Variants in HCN1 observed in about 807,000 individuals in gnomAD.
HCN1 encodes hyperpolarization activated cyclic nucleotide gated potassium channel 1.
In HCN1, 13 loss-of-function variants were observed where a neutral mutation model predicts 78.9. The observed-to-expected ratio is 0.16, with a 90% CI of 0.11 to 0.26. HCN1 has a LOEUF of 0.26. Among genes scored for constraint, HCN1 ranks in the 10% least tolerant of loss-of-function variants. HCN1 has a pLI of 1.00. For missense variants in HCN1, 810 were observed against 1,154.3 expected (o/e 0.70, Z 4.32); for synonymous variants, 552 against 455.5 (o/e 1.21, Z -2.70).
At chr5:45,671,329 A>T in intron 1 of HCN1, among the ~76,000 whole-genome samples, 1 of 151,336 alleles carries the variant, frequency 6.6e-6, no homozygotes, top group East Asian at 1.9e-4. Context: ...TATTAACCCT[A>T]ATGTTTATTA....
intron 5 of HCN1, among the ~76,000 whole-genome samples, chr5:45,323,730 G>A (rs967811143): frequency 1.1e-4 from 16 of 151,518 alleles, no homozygotes; most frequent in Admixed American, 8.6e-4. Flanking sequence ...CCAACCCCAC[G>A]ACAGGCCCGG....
chr5:45,493,299 A>G (rs987265102), intron 2 of HCN1, among the ~76,000 whole-genome samples: 3 of 152,080 alleles, frequency 2.0e-5, no homozygotes, highest in Non-Finnish European at 2.9e-5. Flanking sequence ...CACCAAGAAT[A>G]AAGAAATAAT....
intron 3 of HCN1, among the ~76,000 whole-genome samples, chr5:45,418,190 C>T (rs1250184585): frequency 6.6e-6 from 1 of 151,594 alleles, no homozygotes; most frequent in Non-Finnish European, 1.5e-5. Flanking sequence ...CTTGTCTTGG[C>T]ATATTTAGAA....
At chr5:45,611,170 C>T (rs1302211995) in intron 2 of HCN1, among the ~76,000 whole-genome samples, 4 of 151,462 alleles carry the variant, frequency 2.6e-5, no homozygotes, top group Non-Finnish European at 5.9e-5. Context: ...CCTGACTCAG[C>T]CCCCCAAGTA....
intron 6 of HCN1, among the ~76,000 whole-genome samples, chr5:45,299,053 C>T (rs760135882): frequency 6.6e-5 from 10 of 152,046 alleles, no homozygotes; most frequent in Admixed American, 2.6e-4. Flanking sequence ...TTAACCAGTG[C>T]TCCTTAAAAC....
intron 5 of HCN1, 88 bp from the exon 6 acceptor site, chr5:45,303,927 A>AGGCCGGGCGCGGTGGCTCACGCCTG: frequency 1.8e-6 from 2 of 1,128,746 alleles, no homozygotes; most frequent in Non-Finnish European, 2.7e-6. Context: ...TATATACAGC[A>AGGCCGGGCGCGGTGGCTCACGCCTG]TAACATTGTA....
intron 2 of HCN1, among the ~76,000 whole-genome samples, chr5:45,600,749 C>T (rs1744605284): frequency 6.6e-6 from 1 of 152,136 alleles, no homozygotes; most frequent in South Asian, 2.1e-4. Flanking sequence ...AAAAGGCATA[C>T]ATACACAAGA....
intron 3 of HCN1, among the ~76,000 whole-genome samples, chr5:45,432,888 C>T (rs527792681): frequency 2.0e-5 from 3 of 152,040 alleles, no homozygotes; most frequent in South Asian, 2.1e-4. Context: ...GGGAGGCAAA[C>T]GAGGTGTTTG....
intron 2 of HCN1, among the ~76,000 whole-genome samples, chr5:45,475,627 T>C (rs1022414758): frequency 8.6e-5 from 13 of 151,850 alleles, no homozygotes; most frequent in African/African-American, 3.2e-4. Context: ...CTATCATTAT[T>C]ATCTGGGCTT....
rs1268263835 is a variant in HCN1, at chr5:45,348,254, T to C, written c.1377+4846A>G. Among the ~76,000 whole-genome samples the C allele has an allele frequency of 2.6e-5, 4 of 152,130 alleles. No homozygotes were observed. In the East Asian group the frequency reaches 5.8e-4, roughly 22 times the overall value. The stretch of plus-strand genomic sequence containing the variant: ...AGAATTTTCAACCCAGAATTTCATA[T>C]CCAGCCAAGCTAAGCTTCATAAGTG... On this transcript the variant is annotated intron_variant, in intron 5 of 7. Coordinates refer to ENST00000303230, the MANE Select transcript of HCN1 (RefSeq NM_021072.4).
chr5:45,554,687 C>A (rs1269175563), intron 2 of HCN1, among the ~76,000 whole-genome samples: 2 of 151,730 alleles, frequency 1.3e-5, no homozygotes, highest in Admixed American at 6.6e-5. Flanking sequence ...AGAAAATCAA[C>A]AAAACCAGTC....
Position 45,493,700 on chromosome 5 carries a change from C to T in HCN1, c.850-31693G>A, listed in dbSNP as rs986197609. Among the ~76,000 whole-genome samples the T allele has an allele frequency of 5.3e-5, 8 of 151,742 alleles. No individual in the cohort carries two copies. The Middle Eastern group carries it at 0.017, about 323-fold the overall frequency. On this transcript the variant is annotated intron_variant, in intron 2 of 7. Transcript: ENST00000303230. ...GTGCCATGCTGGTGCGCTGCACCCACTAACTCGTCATCTAGCATTAGGTAT... is the reference window on the plus strand; with the variant it reads ...GTGCCATGCTGGTGCGCTGCACCCATTAACTCGTCATCTAGCATTAGGTAT...
At chr5:45,373,646 A>G (rs965841471) in intron 4 of HCN1, among the ~76,000 whole-genome samples, 1 of 132,982 alleles carries the variant, frequency 7.5e-6, no homozygotes, top group Non-Finnish European at 1.6e-5. Context: ...TACGTCATCT[A>G]TAATATATTA....
intron 2 of HCN1, among the ~76,000 whole-genome samples, chr5:45,473,366 A>C (rs557504913): frequency 1.6e-4 from 25 of 152,044 alleles, no homozygotes; most frequent in South Asian, 1.5e-3. Flanking sequence ...TAGTTAAAAA[A>C]CTTACCCAGA....
intron 4 of HCN1, among the ~76,000 whole-genome samples, chr5:45,371,629 C>G (rs1025305203): frequency 6.7e-6 from 1 of 150,190 alleles, no homozygotes; most frequent in Non-Finnish European, 1.5e-5. Context: ...TGGGGGCGGT[C>G]GCCTGTAATC....
At chr5:45,511,235 A>G (rs1233615231) in intron 2 of HCN1, among the ~76,000 whole-genome samples, 1 of 152,092 alleles carries the variant, frequency 6.6e-6, no homozygotes, top group Non-Finnish European at 1.5e-5. Flanking sequence ...TGAGTCCATT[A>G]TAATATAAAT....
intron 6 of HCN1, among the ~76,000 whole-genome samples, chr5:45,276,880 G>C (rs1302361967): frequency 1.3e-5 from 2 of 152,024 alleles, no homozygotes; most frequent in Non-Finnish European, 2.9e-5. Context: ...AAGAGGACAA[G>C]AGAAAAGGAA....
At chr5:45,585,364 G>C (rs898352185) in intron 2 of HCN1, among the ~76,000 whole-genome samples, 1 of 152,114 alleles carries the variant, frequency 6.6e-6, no homozygotes, top group Non-Finnish European at 1.5e-5. Context: ...CTCGTGCCAT[G>C]GTTTTCAGCT....
chr5:45,629,022 A>T (rs568314198), intron 2 of HCN1, among the ~76,000 whole-genome samples: 1 of 151,742 alleles, frequency 6.6e-6, no homozygotes, highest in African/African-American at 2.4e-5. Context: ...TTATTAAAAA[A>T]CATATATTAT....
Sources: gnomAD v4.1 joint callset for allele counts (sites outside exome capture counted in the v4.1 genomes callset) on GRCh38, gnomAD v4.1.1 for gene constraint, MANE v1.5 for transcripts, NCBI Gene and HGNC (gene_info 2026-07-23, HGNC 2026-07-21) for gene names.